ACACA: variants seen among roughly 807,000 people sequenced by gnomAD.
ACACA encodes acetyl-CoA carboxylase 1.
ACACA carries 103 observed loss-of-function variants against 296.1 expected under a neutral mutation model. The observed-to-expected ratio is 0.35, with a 90% CI of 0.30 to 0.41. The LOEUF is 0.41. Ranked by LOEUF, ACACA falls within the 10% of genes least tolerant of loss-of-function variation. The pLI, the probability that ACACA is intolerant of heterozygous loss-of-function variation, is 1.00. For missense variants in ACACA, 1,554 were observed against 2,989.7 expected, an observed-to-expected ratio of 0.52 and a Z score of 11.20; for synonymous variants, 953 against 1,038.6, an observed-to-expected ratio of 0.92 and a Z score of 1.58.
chr17:37,382,945 A>G (rs1199132620), intron 1 of ACACA, among the ~76,000 whole-genome samples: 3 of 152,102 alleles, frequency 2.0e-5, no homozygotes. Flanking sequence ...GCTGAGACAG[A>G]AGAATGACTT....
intron 11 of ACACA, among the ~76,000 whole-genome samples, chr17:37,261,237 C>A (rs1406258122): frequency 2.0e-5 from 3 of 152,182 alleles, no homozygotes; most frequent in Admixed American, 6.5e-5. Context: ...CACCCTGAAG[C>A]AACTCAGTGT....
At chr17:37,234,060 C>T (rs150415973) in intron 25 of ACACA, among the ~76,000 whole-genome samples, 1 of 152,198 alleles carries the variant, frequency 6.6e-6, no homozygotes, top group East Asian at 1.9e-4. Flanking sequence ...TAAAAAATAG[C>T]ATGAAGATGT....
intron 33 of ACACA, among the ~76,000 whole-genome samples, chr17:37,200,839 AT>A (rs1032294780): frequency 2.6e-5 from 4 of 152,228 alleles, no homozygotes; most frequent in Non-Finnish European, 4.4e-5. Context: ...AAATGTAAAC[AT>A]TAATATTGAT....
intron 42 of ACACA, among the ~76,000 whole-genome samples, chr17:37,161,440 T>C (rs1205529543): frequency 6.6e-6 from 1 of 152,182 alleles, no homozygotes; most frequent in Non-Finnish European, 1.5e-5. Flanking sequence ...AGGGATTTTG[T>C]TGATAATTGA....
At chr17:37,165,524 A>G (rs894249092) in intron 41 of ACACA, among the ~76,000 whole-genome samples, 1 of 152,090 alleles carries the variant, frequency 6.6e-6, no homozygotes, top group African/African-American at 2.4e-5. Context: ...TACGTAAAAA[A>G]CTTTGTCTTT....
intron 5 of ACACA, among the ~76,000 whole-genome samples, chr17:37,281,229 T>C (rs1301921763): frequency 6.6e-6 from 1 of 151,956 alleles, no homozygotes; most frequent in East Asian, 1.9e-4. Flanking sequence ...CAGCTAATTT[T>C]TGTATTTTTA....
At chr17:37,239,389 G>A (rs1350760934) in intron 24 of ACACA, among the ~76,000 whole-genome samples, 1 of 152,054 alleles carries the variant, frequency 6.6e-6, no homozygotes, top group African/African-American at 2.4e-5. Context: ...CACTGGCTAG[G>A]ACATCCACTA....
rs563931928 is a variant in ACACA at position 37,275,235 on chromosome 17, T to C, written c.901+716A>G. On this transcript the variant is annotated intron_variant, in intron 8 of 55. Coordinates refer to ENST00000616317, the MANE Select transcript of ACACA (RefSeq NM_198834.3). ...CATTGGCGCCAGGCGCGGTGGCTCA[T>C]GCCTGTAATCCCAGCACTTTGGGAG... 2.6e-5 allele frequency among the ~76,000 whole-genome samples: 4 copies of C among 152,198 alleles called. No homozygotes were observed. In the East Asian group the frequency reaches 7.8e-4, roughly 30 times the overall value.
intron 45 of ACACA, among the ~76,000 whole-genome samples, chr17:37,134,468 C>T (rs1029985666): frequency 1.3e-5 from 2 of 152,178 alleles, no homozygotes; most frequent in Non-Finnish European, 2.9e-5. Context: ...TTCACAGATG[C>T]AACTTAGCTC....
intron 1 of ACACA, among the ~76,000 whole-genome samples, chr17:37,383,033 T>C (rs1234314255): frequency 6.6e-6 from 1 of 152,146 alleles, no homozygotes; most frequent in African/African-American, 2.4e-5. Context: ...CGAGACTCCA[T>C]CTGAAAAAAT....
intron 29 of ACACA, among the ~76,000 whole-genome samples, chr17:37,216,353 T>A (rs2078999574): frequency 6.6e-6 from 1 of 152,000 alleles, no homozygotes; most frequent in Admixed American, 6.5e-5. Flanking sequence ...CTGGATCCTC[T>A]GCTGAATAAG....
chr17:37,371,086 T>C (rs755488654), intron 1 of ACACA, among the ~76,000 whole-genome samples: 13 of 152,132 alleles, frequency 8.5e-5, no homozygotes, highest in Non-Finnish European at 1.3e-4. Context: ...TTTTTTTGTT[T>C]GTTTGTTTTT....
chr17:37,147,629 C>G (rs1597972047), intron 45 of ACACA, among the ~76,000 whole-genome samples: 1 of 152,184 alleles, frequency 6.6e-6, no homozygotes, highest in East Asian at 1.9e-4. Flanking sequence ...CAGCACAGCT[C>G]TATACTTAAG....
chr17:37,089,223 A>C, intron 54 of ACACA, 149 bp from the exon 55 acceptor site: 1 of 1,197,010 alleles, frequency 8.4e-7, no homozygotes, highest in Non-Finnish European at 1.2e-6. Context: ...AGGAGGAGGA[A>C]GTAGGCCTCG....
chr17:37,348,641 T>G (rs2048738798), intron 1 of ACACA, among the ~76,000 whole-genome samples: 1 of 152,080 alleles, frequency 6.6e-6, no homozygotes, highest in Non-Finnish European at 1.5e-5. Flanking sequence ...AATAATTACC[T>G]CCGATAATGA....
At chr17:37,119,265 T>C (rs2074403492) in intron 50 of ACACA, among the ~76,000 whole-genome samples, 1 of 152,144 alleles carries the variant, frequency 6.6e-6, no homozygotes, top group South Asian at 2.1e-4. Context: ...GCTTTATCAT[T>C]TTGCTCAAGA....
At chr17:37,194,797 T>C (rs906215012) in intron 35 of ACACA, among the ~76,000 whole-genome samples, 7 of 152,192 alleles carry the variant, frequency 4.6e-5, no homozygotes, top group African/African-American at 1.4e-4. Context: ...GTATTTTAAC[T>C]GTAAGACTGC....
At chr17:37,221,040 T>C (rs1206667910) in intron 29 of ACACA, among the ~76,000 whole-genome samples, 4 of 152,224 alleles carry the variant, frequency 2.6e-5, no homozygotes, top group African/African-American at 7.2e-5. Flanking sequence ...TAGATTTTCA[T>C]TGCCTTAGAA....
intron 34 of ACACA, 100 bp from the exon 35 acceptor site, chr17:37,200,283 T>C: frequency 1.4e-6 from 2 of 1,383,124 alleles, no homozygotes; most frequent in Admixed American, 1.7e-5. Context: ...GTTAAACTAA[T>C]GTTTTTTAAA....
Sources: allele counts gnomAD v4.1 joint callset (sites outside exome capture counted in the v4.1 genomes callset), GRCh38; gene constraint gnomAD v4.1.1; transcripts MANE v1.5; gene names NCBI Gene and HGNC (gene_info 2026-07-23, HGNC 2026-07-21).